SMC5: variants seen among roughly 807,000 people sequenced by gnomAD.
SMC5 encodes structural maintenance of chromosomes 5.
In SMC5, 88 loss-of-function variants were observed where a neutral mutation model predicts 148.3. The ratio of observed to expected loss-of-function variants is 0.59; its 90% CI spans 0.50 to 0.71. The LOEUF is 0.71. SMC5 is among the 30% of genes least tolerant of loss of function. The pLI is 0.00. For missense variants in SMC5, 1,142 were observed against 1,298.9 expected, an observed-to-expected ratio of 0.88 and a Z score of 1.86; for synonymous variants, 421 against 432.8, an observed-to-expected ratio of 0.97 and a Z score of 0.34.
At chr9:70,326,983 T>C (rs2036098050) in intron 17 of SMC5, among the ~76,000 whole-genome samples, 1 of 152,130 alleles carries the variant, frequency 6.6e-6, no homozygotes, top group Non-Finnish European at 1.5e-5. Flanking sequence ...AATTACAGTT[T>C]TTCAGCATAA....
At chr9:70,278,712 A>T (rs2034665395) in intron 5 of SMC5, 87 bp downstream of exon 5, 2 of 1,305,864 alleles carry the variant, frequency 1.5e-6, no homozygotes, top group Admixed American at 5.4e-5. Flanking sequence ...GTATTGATTC[A>T]TTGAGTGAAT....
At chr9:70,289,141 G>A (rs753249258) in intron 8 of SMC5, among the ~76,000 whole-genome samples, 3 of 151,988 alleles carry the variant, frequency 2.0e-5, no homozygotes, top group Non-Finnish European at 4.4e-5. Flanking sequence ...CGGTTCAAGC[G>A]ATTCTCCTGC....
intron 12 of SMC5, among the ~76,000 whole-genome samples, chr9:70,315,215 A>G (rs1224399404): frequency 6.6e-6 from 1 of 152,016 alleles, no homozygotes; most frequent in Non-Finnish European, 1.5e-5. Context: ...AGCATTCTAA[A>G]CATAATAGAA....
Position 70,347,593 on chromosome 9 carries a change from G to GTT in SMC5, c.2665-12_2665-11dup. On this transcript the variant is annotated intron_variant, in intron 20 of 24. Transcript: ENST00000361138. ...CCTTTGGTAGATTTATCTTAAAGAA[G>GTT]TTTTTTTTTCCCCTGCCAGATTGTT... The GTT allele has an allele frequency of 6.9e-6, 9 of 1,313,336 alleles. No individual in the cohort carries two copies. The highest frequency in any genetic ancestry group is 2.5e-5 in the Admixed American group (1 of 39,922). The allele number at this position is 1,313,336 out of a possible 1,614,324, so 81.4% of individuals were successfully genotyped here. A position where few individuals can be genotyped will look rare whatever the true frequency, so the allele number is the denominator to read the frequency against.
chr9:70,331,051 C>CATCAG (rs2118712821), intron 17 of SMC5, among the ~76,000 whole-genome samples: 1 of 152,234 alleles, frequency 6.6e-6, no homozygotes, highest in South Asian at 2.1e-4. Flanking sequence ...AGTAAATTTT[C>CATCAG]ATCAGAAATA....
chr9:70,305,878 C>T (rs1221514834), intron 11 of SMC5, among the ~76,000 whole-genome samples: 1 of 152,072 alleles, frequency 6.6e-6, no homozygotes, highest in African/African-American at 2.4e-5. Flanking sequence ...AGCTGGGCTG[C>T]CAGGATTTGA....
chr9:70,321,727 C>G (rs2035953681), intron 15 of SMC5, among the ~76,000 whole-genome samples: 1 of 152,158 alleles, frequency 6.6e-6, no homozygotes, highest in Non-Finnish European at 1.5e-5. Flanking sequence ...TGTGAAAACC[C>G]AGTCACCCAT....
chr9:70,298,375 A>G (rs569367722), intron 9 of SMC5, among the ~76,000 whole-genome samples, 154 bp downstream of exon 9: 1 of 152,258 alleles, frequency 6.6e-6, no homozygotes, highest in Admixed American at 6.5e-5. Context: ...TACCTTAATT[A>G]TCTATATCTG....
intron 7 of SMC5, 94 bp from the exon 8 acceptor site, chr9:70,286,106 G>A (rs958177985): frequency 1.3e-6 from 1 of 763,740 alleles, no homozygotes; most frequent in African/African-American, 1.8e-5. Context: ...AATTGTTGTG[G>A]GTTAACTCGA....
At chr9:70,278,787 GA>G (rs2034667615) in intron 5 of SMC5, among the ~76,000 whole-genome samples, 162 bp downstream of exon 5, 1 of 152,114 alleles carries the variant, frequency 6.6e-6, no homozygotes, top group South Asian at 2.1e-4. Flanking sequence ...GACAGAGTGA[GA>G]ATGGATCTAA....
chr9:70,259,015 C>A lies in SMC5; in HGVS notation c.-64C>A. ...AGCGGGGCGCCTGGGTGGATGGGCG[C>A]TTGGGCGCCTGGGCTGCCGGACGGT... On this transcript the variant is annotated 5_prime_UTR_variant, in exon 1 of 25. Transcript: ENST00000361138. The A allele has an allele frequency of 6.7e-7, 1 of 1,501,280 alleles. No homozygotes were observed. The highest frequency in any genetic ancestry group is 1.3e-5 in the South Asian group (1 of 75,818). The allele number at this position is 1,501,280 out of a possible 1,614,324, so 93.0% of individuals were successfully genotyped here.
chr9:70,319,290 T>G (rs1393707495), intron 15 of SMC5, among the ~76,000 whole-genome samples: 1 of 152,198 alleles, frequency 6.6e-6, no homozygotes, highest in African/African-American at 2.4e-5. Context: ...TTTAAAATAT[T>G]CATTAATTTA....
chr9:70,319,502 A>T (rs2035894243), intron 15 of SMC5, among the ~76,000 whole-genome samples: 1 of 152,126 alleles, frequency 6.6e-6, no homozygotes, highest in Admixed American at 6.5e-5. Context: ...GTTTGTAGTG[A>T]GATGTTTGAG....
At chr9:70,284,443 G>A (rs918538575) in intron 7 of SMC5, among the ~76,000 whole-genome samples, 2 of 152,150 alleles carry the variant, frequency 1.3e-5, no homozygotes, top group Non-Finnish European at 2.9e-5. Flanking sequence ...ATTGGCAGTC[G>A]TTGTTATGTT....
Position 70,286,205 on chromosome 9 carries a change from A to G in SMC5, c.987A>G (p.Thr329=), listed in dbSNP as rs374735696. The G allele has an allele frequency of 4.0e-6, 6 of 1,517,448 alleles. No individual in the cohort carries two copies. The African/African-American group carries it at 5.7e-5, about 14-fold the overall frequency. 94.0% of individuals were successfully genotyped at this position (1,517,448 alleles called of 1,614,324 possible). A position where few individuals can be genotyped will look rare whatever the true frequency, so the allele number is the denominator to read the frequency against. The part of the protein sequence containing the change: ...NLEARIKEKA[T]DIKEASQKCK... ...TCCCCGGTTTAATTTTACAGGCAAC[A>G]GATATTAAGGAGGCATCTCAAAAAT... The change falls in exon 8 of 25, where the codon ACA becomes ACG. Residue 329 remains threonine (T), a synonymous_variant. Coordinates refer to ENST00000361138, the MANE Select transcript of SMC5 (RefSeq NM_015110.4).
At chr9:70,348,113 T>C (rs2036714288) in intron 22 of SMC5, 75 bp downstream of exon 22, 2 of 1,252,642 alleles carry the variant, frequency 1.6e-6, no homozygotes, top group African/African-American at 1.6e-5. Context: ...ATATAAATTA[T>C]TTATTTACTT....
At chr9:70,277,569 G>A in intron 4 of SMC5, 97 bp downstream of exon 4, 1 of 910,622 alleles carries the variant, frequency 1.1e-6, no homozygotes, top group Non-Finnish European at 1.6e-6. Context: ...TATTTAAATT[G>A]AACATAGCAC....
chr9:70,291,841 T>C (rs2035067700), intron 8 of SMC5, among the ~76,000 whole-genome samples: 1 of 150,180 alleles, frequency 6.7e-6, no homozygotes, highest in Admixed American at 6.6e-5. Flanking sequence ...GCAAAAGTAA[T>C]TGCATTTTTT....
At chr9:70,346,786 C>T in intron 19 of SMC5, 137 bp downstream of exon 19, 6 of 870,964 alleles carry the variant, frequency 6.9e-6, no homozygotes, top group Non-Finnish European at 1.1e-5. Context: ...TGAACTGATA[C>T]TTCTTTTCTC....
Sources: allele counts gnomAD v4.1 joint callset (sites outside exome capture counted in the v4.1 genomes callset), GRCh38; gene constraint gnomAD v4.1.1; transcripts MANE v1.5; gene names NCBI Gene and HGNC (gene_info 2026-07-23, HGNC 2026-07-21).